The following RGS3 variants were observed in gnomAD, a reference collection of about 807,000 sequenced individuals.
The protein encoded by RGS3 is regulator of G-protein signalling 3.
Under a neutral mutation model 132.6 loss-of-function variants are expected in RGS3, and 80 were observed. The observed-to-expected ratio is 0.60, with a 90% confidence interval of 0.50 to 0.73. The LOEUF (loss-of-function observed/expected upper bound fraction) is 0.73. RGS3 is among the 30% of genes least tolerant of loss of function. The pLI is 0.00. For missense variants in RGS3, 1,382 were observed against 1,530.8 expected (o/e 0.90, Z 1.62); for synonymous variants, 598 against 620.6 (o/e 0.96, Z 0.54).
intron 19 of RGS3, chr9:113,541,205 C>A: frequency 9.2e-7 from 1 of 1,090,188 alleles, no homozygotes; most frequent in South Asian, 1.5e-5. Context: ...TAGAGACAGC[C>A]CTGGAGATGC....
rs115587863 is a variant in RGS3, at chr9:113,480,912, C to G, written c.466+1371C>G. On this transcript the variant is annotated intron_variant, in intron 4 of 24. Coordinates refer to ENST00000350696, the Ensembl canonical transcript of RGS3. ...GTTTAGCCCAGAAGGCCCTGTCTATCTCTCCAGCCTCCCTGGCTCTTGCCG... is the reference window on the plus strand; with the variant it reads ...GTTTAGCCCAGAAGGCCCTGTCTATGTCTCCAGCCTCCCTGGCTCTTGCCG... 4.6e-3 allele frequency among the ~76,000 whole-genome samples: 697 copies of G among 152,364 alleles called. 2 individuals are homozygous for G. The highest frequency in any genetic ancestry group is 0.015 in the African/African-American group (636 of 41,582).
At chr9:113,569,722 C>T (rs1394096341) in intron 19 of RGS3, among the ~76,000 whole-genome samples, 1 of 151,754 alleles carries the variant, frequency 6.6e-6, no homozygotes, top group Admixed American at 6.6e-5. Flanking sequence ...CTAAAAGGCC[C>T]AATCTTTAAT....
rs1379754949 is a variant in RGS3, at chr9:113,594,416, G to A, written c.3081-14G>A. 6.2e-7 allele frequency: 1 copy of A among 1,612,964 alleles called. No homozygotes were observed. The highest frequency in any genetic ancestry group is 1.3e-5 in the African/African-American group (1 of 74,924). ...GCCAGGCTGAGCAACCCTCTTTTCTGCTTCTGTCCCCAGAGCCAAGGACAT... is the reference window on the plus strand; with the variant it reads ...GCCAGGCTGAGCAACCCTCTTTTCTACTTCTGTCCCCAGAGCCAAGGACAT... On this transcript the variant is annotated splice_polypyrimidine_tract_variant and intron_variant, in intron 21 of 24. Transcript: ENST00000350696.
chr9:113,465,041 A>G lies in RGS3; in HGVS notation c.415+2840A>G, dbSNP rs1255842921. Among the ~76,000 whole-genome samples, 8 of 152,188 alleles carry G rather than the reference A, an allele frequency of 5.3e-5. No homozygotes were observed. In the East Asian group the frequency reaches 1.5e-3, roughly 29 times the overall value. On this transcript the variant is annotated intron_variant, in intron 3 of 24. Coordinates refer to ENST00000350696, the Ensembl canonical transcript of RGS3. ...GATAAAGGGCAATTAACTAGCCATC[A>G]TTTGTTGAGAACTTACCATTGCCAT...
At chr9:113,523,529 C>T (rs561960859) in intron 17 of RGS3, among the ~76,000 whole-genome samples, 2 of 152,352 alleles carry the variant, frequency 1.3e-5, no homozygotes, top group South Asian at 4.1e-4. Flanking sequence ...CCCCACAGAT[C>T]TGTGGACAGA....
chr9:113,567,144 A>G (rs1834048776), intron 19 of RGS3, among the ~76,000 whole-genome samples: 1 of 152,148 alleles, frequency 6.6e-6, no homozygotes, highest in Admixed American at 6.5e-5. Flanking sequence ...GATTATAAGT[A>G]TGTGGTATCA....
chr9:113,490,556 GGA>G (rs1403384513), intron 7 of RGS3, among the ~76,000 whole-genome samples: 2 of 142,242 alleles, frequency 1.4e-5, no homozygotes, highest in Non-Finnish European at 3.1e-5. Context: ...TTGTGGCCAG[GGA>G]ACAGACTTGG....
chr9:113,460,186 T>G, upstream of RGS3: 1 of 1,203,848 alleles, frequency 8.3e-7, no homozygotes, highest in Non-Finnish European at 1.1e-6. Flanking sequence ...GAAGTTTATT[T>G]TTTTGAGGAT....
intron 1 of RGS3, among the ~76,000 whole-genome samples, chr9:113,453,013 A>G (rs1175559567): frequency 7.6e-6 from 1 of 132,066 alleles, no homozygotes; most frequent in Non-Finnish European, 1.6e-5. Flanking sequence ...AATATATATT[A>G]TATTTTATAT....
At chr9:113,521,683 AC>A (rs1485726066) in intron 16 of RGS3, among the ~76,000 whole-genome samples, 1 of 152,228 alleles carries the variant, frequency 6.6e-6, no homozygotes, top group Non-Finnish European at 1.5e-5. Context: ...TTCTTAAATT[AC>A]AAAAATGCTG....
intron 20 of RGS3, 108 bp downstream of exon 18, chr9:113,584,535 C>T: frequency 5.6e-6 from 7 of 1,250,502 alleles, no homozygotes; most frequent in Non-Finnish European, 7.5e-6. Context: ...ACTATCCTGG[C>T]AGCCTCCCAG....
At position 113,596,897 on chromosome 9, in the gene RGS3, C is replaced by T. The variant is rs146672928; in HGVS notation, c.3541C>T (p.Arg1181Cys). 5.3e-5 allele frequency: 86 copies of T among 1,613,748 alleles called. 1 individual carries two copies. The African/African-American group carries it at 7.3e-4, about 14-fold the overall frequency. ...AAAGGACTCGTACCCTCGCTTTCTC[C>T]GTTCTGACCTCTACCTGGACCTTAT... is the stretch of plus-strand genomic sequence containing the variant. The change falls in exon 25 of 25, where the codon CGT becomes TGT. Residue 1181 changes from arginine to cysteine, a missense_variant. By Grantham distance (180) the Arg-to-Cys change is radical. Transcript: ENST00000350696.
At chr9:113,584,517 C>T in intron 20 of RGS3, 90 bp downstream of exon 18, 1 of 1,351,786 alleles carries the variant, frequency 7.4e-7, no homozygotes, top group East Asian at 2.5e-5. Flanking sequence ...TCACCATGTT[C>T]CACCCCCACT....
chr9:113,595,501 C>G (rs968594302), intron 23 of RGS3, 98 bp from the exon 22 acceptor site: 2 of 1,354,860 alleles, frequency 1.5e-6, no homozygotes, highest in African/African-American at 2.9e-5. Flanking sequence ...CAGCTCCCAG[C>G]ACGCCCATCT....
intron 24 of RGS3, among the ~76,000 whole-genome samples, chr9:113,596,227 G>A (rs112358280): frequency 2.0e-5 from 3 of 152,172 alleles, no homozygotes; most frequent in East Asian, 1.9e-4. Flanking sequence ...CCAGCTACTC[G>A]GGAGGCTGAG....
rs144155816 is a variant in RGS3 at position 113,510,215 on chromosome 9, A to T, written c.1477+1635A>T. 4.0e-3 allele frequency among the ~76,000 whole-genome samples: 605 copies of T among 152,224 alleles called. 9 individuals carry two copies. The highest frequency in any genetic ancestry group is 6.6e-4 in the Non-Finnish European group (45 of 68,018). On this transcript the variant is annotated intron_variant, in intron 14 of 24. Transcript: ENST00000350696. ...TGGTTTTCCATTCCTGAGTTACTTC[A>T]CTTAGAAAAATAGTCTCCAATCTCA...
At chr9:113,553,544 A>G (rs1464293561) in intron 19 of RGS3, among the ~76,000 whole-genome samples, 1 of 140,658 alleles carries the variant, frequency 7.1e-6, no homozygotes, top group Non-Finnish European at 1.5e-5. Flanking sequence ...TTATATAATT[A>G]TAGAAATATT....
At chr9:113,581,582 T>A (rs1217537571) in intron 19 of RGS3, 1 of 152,254 alleles carries the variant, frequency 6.6e-6, no homozygotes, top group East Asian at 1.9e-4. Flanking sequence ...TTCCAGCTTT[T>A]CCAGCATACG....
At chr9:113,519,704 A>G (rs144996768) in intron 16 of RGS3, among the ~76,000 whole-genome samples, 158 of 152,008 alleles carry the variant, frequency 1.0e-3, no homozygotes, top group Middle Eastern at 3.4e-3. Context: ...GGGAAGGGCT[A>G]AATTGTAGAG....
Sources: gnomAD v4.1 joint callset for allele counts (sites outside exome capture counted in the v4.1 genomes callset) on GRCh38, gnomAD v4.1.1 for gene constraint, MANE v1.5 for transcripts, NCBI Gene and HGNC (gene_info 2026-07-23, HGNC 2026-07-21) for gene names.